Variants in TXNRD2 observed in about 807,000 individuals in gnomAD.
The protein encoded by TXNRD2 is thioredoxin reductase 2, mitochondrial.
TXNRD2 carries 67 observed loss-of-function variants against 70.8 expected under a neutral mutation model. That is an observed-to-expected ratio of 0.95 (90% CI 0.78 to 1.16). The LOEUF is 1.16. Ranked by LOEUF, TXNRD2 falls within the 50% of genes most tolerant of loss-of-function variation. The probability of loss-of-function intolerance (pLI) is 0.00; values close to 1 mark genes in which losing one functional copy is unlikely to be tolerated. For missense variants in TXNRD2, 644 were observed against 719.9 expected (o/e 0.89, Z 1.21); for synonymous variants, 301 against 295.8 (o/e 1.02, Z -0.18).
intron 8 of TXNRD2, among the ~76,000 whole-genome samples, chr22:19,909,935 C>T (rs1179225539): frequency 2.3e-5 from 3 of 130,638 alleles, no homozygotes; most frequent in Admixed American, 1.6e-4. Flanking sequence ...ACACACACCA[C>T]TCACACACCA....
At chr22:19,928,143 A>G (rs1231519286) in intron 2 of TXNRD2, among the ~76,000 whole-genome samples, 1 of 151,834 alleles carries the variant, frequency 6.6e-6, no homozygotes, top group Non-Finnish European at 1.5e-5. Flanking sequence ...TAAAAAAGAA[A>G]CTACAAAATG....
intron 2 of TXNRD2, among the ~76,000 whole-genome samples, chr22:19,924,913 ATAG>A (rs1047320777): frequency 1.3e-5 from 2 of 152,036 alleles, no homozygotes; most frequent in African/African-American, 4.8e-5. Context: ...TAAGATAAAA[ATAG>A]TAGCAGATTT....
chr22:19,926,310 T>C lies in TXNRD2; in HGVS notation c.172+4720A>G, dbSNP rs192376861. 2.3e-3 allele frequency among the ~76,000 whole-genome samples: 353 copies of C among 151,408 alleles called. 2 individuals carry two copies. The highest frequency in any genetic ancestry group is 8.3e-3 in the African/African-American group (340 of 41,212). On this transcript the variant is annotated intron_variant, in intron 2 of 17. Transcript: ENST00000400521. ...TTCAAGACCAGCCTGGCCAACATGG[T>C]GAAACCCCATCTCTACTAAAAGTAC...
intron 12 of TXNRD2, among the ~76,000 whole-genome samples, chr22:19,882,549 C>T (rs73383820): frequency 0.016 from 2,492 of 152,280 alleles, 69 homozygotes; most frequent in African/African-American, 0.057. Flanking sequence ...TGAGATAATC[C>T]ATGTCTGTTG....
At chr22:19,898,998 GA>G in intron 9 of TXNRD2, 50 bp downstream of exon 9, 1 of 1,602,244 alleles carries the variant, frequency 6.2e-7, no homozygotes. Context: ...GGACTCAAGG[GA>G]AGGAGTGTCC....
rs34751052 is a variant in TXNRD2 at position 19,918,733 on chromosome 22, G to A, written c.374+127C>T. On this transcript the variant is annotated intron_variant, in intron 4 of 17. Transcript: ENST00000400521. ...TGTCTGAGGCAGACAGCGCAGAGTC[G>A]CCCCTGGCTGAGAAACCCATCCTAC... The A allele has an allele frequency of 0.13, 154,729 of 1,161,584 alleles. 11,058 individuals are homozygous for A. Among genetic ancestry groups the A allele is most frequent in the Non-Finnish European group, 0.14 (114,769 of 791,748 alleles). 72.0% of individuals were successfully genotyped at this position (1,161,584 alleles called of 1,614,324 possible).
intron 11 of TXNRD2, among the ~76,000 whole-genome samples, chr22:19,889,736 A>G (rs1939184929): frequency 6.6e-6 from 1 of 152,086 alleles, no homozygotes; most frequent in African/African-American, 2.4e-5. Context: ...TTGGCATTCC[A>G]AAGTGTTGGG....
chr22:19,894,969 CAAAAAAA>C (rs35599379), intron 11 of TXNRD2: 4 of 1,273,264 alleles, frequency 3.1e-6, no homozygotes, highest in Non-Finnish European at 3.0e-6. Context: ...GACTCCATCT[CAAAAAAA>C]AAAAAAAAAA....
intron 2 of TXNRD2, among the ~76,000 whole-genome samples, chr22:19,922,022 T>C (rs1940937511): frequency 6.6e-6 from 1 of 152,160 alleles, no homozygotes. Flanking sequence ...AATAACTGCA[T>C]CCCAGAACAG....
At chr22:19,901,071 G>A (rs543438827) in intron 8 of TXNRD2, among the ~76,000 whole-genome samples, 70 of 152,310 alleles carry the variant, frequency 4.6e-4, no homozygotes, top group Non-Finnish European at 9.1e-4. Flanking sequence ...GCTGCTCTCC[G>A]GGCCTCCTAG....
intron 2 of TXNRD2, among the ~76,000 whole-genome samples, chr22:19,929,927 C>T (rs1267963940): frequency 3.3e-5 from 5 of 152,220 alleles, no homozygotes; most frequent in African/African-American, 1.2e-4. Context: ...CGGAGACATA[C>T]CCAGGAGCTG....
chr22:19,917,086 G>A (rs896158728), intron 5 of TXNRD2, among the ~76,000 whole-genome samples: 1 of 152,192 alleles, frequency 6.6e-6, no homozygotes, highest in African/African-American at 2.4e-5. Context: ...AAGCTGCCAC[G>A]GGACACAGCC....
At chr22:19,915,937 GC>G in intron 5 of TXNRD2, 94 bp from the exon 6 acceptor site, 1 of 1,151,974 alleles carries the variant, frequency 8.7e-7, no homozygotes, top group Non-Finnish European at 1.3e-6. Flanking sequence ...GGGAGCTCCA[GC>G]CCCCAGCAGG....
chr22:19,934,382 G>GAA (rs35669821), intron 1 of TXNRD2, among the ~76,000 whole-genome samples: 16,496 of 93,506 alleles, frequency 0.18, 1,709 homozygotes, highest in Non-Finnish European at 0.2. Flanking sequence ...CTCTGTCTCA[G>GAA]AAAAAAAAAA....
intron 12 of TXNRD2, chr22:19,881,203 C>A (rs1938758622): frequency 2.5e-6 from 1 of 405,378 alleles, no homozygotes; most frequent in African/African-American, 2.1e-5. Context: ...TGTCGCTGTG[C>A]TGGAGATCCC....
chr22:19,925,138 GA>G (rs1259024319), intron 2 of TXNRD2, among the ~76,000 whole-genome samples: 2 of 151,804 alleles, frequency 1.3e-5, no homozygotes, highest in African/African-American at 4.9e-5. Context: ...CAAAAAATTA[GA>G]CGGGCATGGT....
At chr22:19,904,106 G>A (rs548365721) in intron 8 of TXNRD2, among the ~76,000 whole-genome samples, 14 of 152,354 alleles carry the variant, frequency 9.2e-5, no homozygotes, top group Middle Eastern at 3.4e-3. Context: ...CACCAAGACT[G>A]GGAGGACAGT....
At chr22:19,905,019 C>T (rs1426015561) in intron 8 of TXNRD2, among the ~76,000 whole-genome samples, 1 of 152,174 alleles carries the variant, frequency 6.6e-6, no homozygotes, top group Non-Finnish European at 1.5e-5. Flanking sequence ...CAGCCCCAGC[C>T]CAAGCTGATA....
intron 2 of TXNRD2, among the ~76,000 whole-genome samples, chr22:19,921,959 T>C (rs1317673176): frequency 6.6e-6 from 1 of 152,186 alleles, no homozygotes; most frequent in Non-Finnish European, 1.5e-5. Flanking sequence ...CACTGCTCCA[T>C]ACCCACCTAA....
Sources: allele counts gnomAD v4.1 joint callset (sites outside exome capture counted in the v4.1 genomes callset), GRCh38; gene constraint gnomAD v4.1.1; transcripts MANE v1.5; gene names NCBI Gene and HGNC (gene_info 2026-07-23, HGNC 2026-07-21).